The following AGBL1 variants were observed in gnomAD, a reference collection of about 807,000 sequenced individuals.
AGBL1 encodes the protein AGBL carboxypeptidase 1, also known as cytosolic carboxypeptidase 4.
AGBL1 carries 130 observed loss-of-function variants against 118.9 expected under a neutral mutation model. That is an observed-to-expected ratio of 1.09 (90% CI 0.95 to 1.26). AGBL1 has a LOEUF of 1.26. Among genes scored for constraint, AGBL1 ranks in the 50% most tolerant of loss-of-function variants. The pLI, the probability that AGBL1 is intolerant of heterozygous loss-of-function variation, is 0.00. For synonymous variants in AGBL1, 555 were observed against 478.9 expected (o/e 1.16, Z -2.08); for missense variants, 1,584 against 1,298.1 (o/e 1.22, Z -3.38).
intron 15 of AGBL1, among the ~76,000 whole-genome samples, chr15:86,275,061 T>C (rs1034460233): frequency 6.6e-6 from 1 of 151,974 alleles, no homozygotes; most frequent in Non-Finnish European, 1.5e-5. Context: ...CAAGGGCCCT[T>C]TTAGTTTCTT....
At chr15:86,921,528 C>G (rs934599577) in intron 23 of AGBL1, among the ~76,000 whole-genome samples, 2 of 152,194 alleles carry the variant, frequency 1.3e-5, no homozygotes, top group Non-Finnish European at 2.9e-5. Context: ...AGGTTGCTCA[C>G]TTACTTCTCA....
At chr15:86,319,112 G>A (rs953024253) in intron 17 of AGBL1, among the ~76,000 whole-genome samples, 1 of 152,072 alleles carries the variant, frequency 6.6e-6, no homozygotes. Context: ...GATAACATCC[G>A]AGTTGTTCCT....
chr15:86,082,850 G>A (rs749440491), intron 1 of AGBL1, among the ~76,000 whole-genome samples: 1 of 152,204 alleles, frequency 6.6e-6, no homozygotes, highest in Non-Finnish European at 1.5e-5. Context: ...GGTGAAGCAG[G>A]AGGCAGGCAG....
Position 86,639,472 on chromosome 15 carries a change from A to G in AGBL1, c.2995-34801A>G, listed in dbSNP as rs534873209. On this transcript the variant is annotated intron_variant, in intron 21 of 22. Transcript: ENST00000614907. ...TGGTGGCTAAATGTGATTTCAGTGG[A>G]CTCAAATTATTTACTACTGTTTCTT... Among the ~76,000 whole-genome samples, 9 of 152,186 alleles carry G rather than the reference A, an allele frequency of 5.9e-5. No homozygotes were observed. The East Asian group carries it at 1.7e-3, about 29-fold the overall frequency.
At chr15:86,774,125 G>A (rs2078219045) in intron 22 of AGBL1, among the ~76,000 whole-genome samples, 1 of 152,052 alleles carries the variant, frequency 6.6e-6, no homozygotes, top group South Asian at 2.1e-4. Context: ...AGCTTCAAGT[G>A]GGAGAAATTA....
chr15:86,592,973 G>A (rs720736), intron 21 of AGBL1, among the ~76,000 whole-genome samples: 94,275 of 151,900 alleles, frequency 0.62, 29,772 homozygotes, highest in Non-Finnish European at 0.67. Context: ...TAACTTCATC[G>A]TTACTTCATA....
intron 7 of AGBL1, among the ~76,000 whole-genome samples, chr15:86,251,814 C>A (rs543320014): frequency 1.4e-4 from 15 of 110,990 alleles, no homozygotes; most frequent in East Asian, 1.1e-3. Flanking sequence ...AATTTGAATG[C>A]AAGATTGAAA....
intron 22 of AGBL1, among the ~76,000 whole-genome samples, chr15:86,809,579 G>C (rs1462694720): frequency 3.3e-5 from 5 of 152,092 alleles, no homozygotes; most frequent in African/African-American, 1.2e-4. Context: ...CTACTTCATT[G>C]GCTGGAACAT....
At chr15:86,436,692 A>G (rs2082004452) in intron 18 of AGBL1, among the ~76,000 whole-genome samples, 1 of 152,226 alleles carries the variant, frequency 6.6e-6, no homozygotes, top group African/African-American at 2.4e-5. Context: ...GTTGACAACC[A>G]TGATTTCAAA....
chr15:86,598,253 C>T (rs1290788268), intron 21 of AGBL1, among the ~76,000 whole-genome samples: 2 of 152,044 alleles, frequency 1.3e-5, no homozygotes, highest in South Asian at 2.1e-4. Context: ...TGTGAAGAAG[C>T]ATTTAAAACT....
chr15:86,242,409 A>G (rs1263380560), intron 6 of AGBL1, among the ~76,000 whole-genome samples: 4 of 152,238 alleles, frequency 2.6e-5, no homozygotes, highest in African/African-American at 9.6e-5. Context: ...AGTCTCACAA[A>G]GGAGAGATGA....
intron 18 of AGBL1, among the ~76,000 whole-genome samples, chr15:86,471,842 C>T (rs892302326): frequency 6.6e-6 from 1 of 152,120 alleles, no homozygotes; most frequent in Non-Finnish European, 1.5e-5. Context: ...ATGTCTTGAC[C>T]ATAGGAACCC....
intron 22 of AGBL1, among the ~76,000 whole-genome samples, chr15:86,880,143 C>T (rs981824462): frequency 3.3e-5 from 5 of 152,196 alleles, no homozygotes; most frequent in Non-Finnish European, 7.3e-5. Flanking sequence ...TTTTCACTAT[C>T]ATCAGACAAT....
chr15:86,824,553 A>G (rs889574131), intron 22 of AGBL1, among the ~76,000 whole-genome samples: 2 of 9,492 alleles, frequency 2.1e-4, no homozygotes, highest in East Asian at 4.9e-3. Flanking sequence ...TCAAAATCCC[A>G]GGAAGTTTTT....
At chr15:86,627,373 AG>A (rs1483725539) in intron 21 of AGBL1, among the ~76,000 whole-genome samples, 1 of 152,166 alleles carries the variant, frequency 6.6e-6, no homozygotes, top group Non-Finnish European at 1.5e-5. Context: ...GGGATGCCAG[AG>A]GAGAGGTTAG....
rs147441136 is a variant in AGBL1, at chr15:86,314,509, C to A, written c.2374+19101C>A. 3.8e-3 allele frequency among the ~76,000 whole-genome samples: 575 copies of A among 152,226 alleles called. 6 individuals carry two copies. Among genetic ancestry groups the A allele is most frequent in the African/African-American group, 0.013 (534 of 41,540 alleles). ...AGGATGAAATTTAAGGAGCAGGAAC[C>A]AACTGGAGAAATTCTATGGCCCCTT... On this transcript the variant is annotated intron_variant, in intron 17 of 22. Coordinates refer to ENST00000614907, the MANE Select transcript of AGBL1 (RefSeq NM_001386094.1).
At chr15:86,289,223 C>G (rs1321042970) in intron 16 of AGBL1, among the ~76,000 whole-genome samples, 1 of 152,054 alleles carries the variant, frequency 6.6e-6, no homozygotes, top group East Asian at 1.9e-4. Flanking sequence ...CCTGTTTATA[C>G]TTAAACAGTT....
At chr15:86,983,579 C>A (rs1159229705) in intron 23 of AGBL1, among the ~76,000 whole-genome samples, 1 of 152,192 alleles carries the variant, frequency 6.6e-6, no homozygotes, top group South Asian at 2.1e-4. Flanking sequence ...GCAATAAATG[C>A]ATACATTTTA....
intron 22 of AGBL1, among the ~76,000 whole-genome samples, chr15:86,786,213 G>A (rs886322511): frequency 1.2e-4 from 18 of 151,900 alleles, no homozygotes; most frequent in Admixed American, 7.9e-4. Context: ...CCATTAACTC[G>A]TCATTTAGCA....
Sources: allele counts gnomAD v4.1 joint callset (sites outside exome capture counted in the v4.1 genomes callset), GRCh38; gene constraint gnomAD v4.1.1; transcripts MANE v1.5; gene names NCBI Gene and HGNC (gene_info 2026-07-23, HGNC 2026-07-21).